Variants in SLC9C1 observed in about 807,000 individuals in gnomAD.
The protein encoded by SLC9C1 is sodium/hydrogen exchanger 10.
A neutral mutation model predicts 140.9 loss-of-function variants in SLC9C1; 97 were observed. That is an observed-to-expected ratio of 0.69 (90% CI 0.58 to 0.82). SLC9C1 has a LOEUF of 0.82. SLC9C1 is among the 40% of genes least tolerant of loss of function. The pLI is 0.00. For missense variants in SLC9C1, 1,340 were observed against 1,389.3 expected (o/e 0.96, Z 0.56); for synonymous variants, 440 against 442.6 (o/e 0.99, Z 0.07).
chr3:112,259,317 G>A (rs1285767655), intron 10 of SLC9C1, among the ~76,000 whole-genome samples: 1 of 151,618 alleles, frequency 6.6e-6, no homozygotes. Context: ...TAGGAGAAGG[G>A]AGAGGATTGG....
rs1469444997 is a variant in SLC9C1 at position 112,167,347 on chromosome 3, T to A, written c.3238A>T (p.Ile1080Leu). The change falls in exon 26 of 29, where the codon ATA (isoleucine) becomes TTA (leucine). Residue 1080 changes from isoleucine to leucine, a missense_variant and splice_region_variant. By Grantham distance (5) the Ile-to-Leu change is conservative. Transcript: ENST00000305815. ...PFLIPITCHQ[I>L]QSIEDFTKVV... ...TTTGTGAAATCTTCAATACTTTGTA[T>A]CTGAAAGTTGACAGAATGCAAGTTA... 1 of 1,583,380 alleles carries A rather than the reference T, an allele frequency of 6.3e-7. No homozygotes were observed. Among genetic ancestry groups the A allele is most frequent in the African/African-American group, 1.4e-5 (1 of 73,700 alleles).
intron 12 of SLC9C1, among the ~76,000 whole-genome samples, chr3:112,233,352 C>G (rs950661190): frequency 6.6e-6 from 1 of 152,114 alleles, no homozygotes; most frequent in African/African-American, 2.4e-5. Context: ...CAGGCATGAG[C>G]CACTGTGCTG....
intron 6 of SLC9C1, among the ~76,000 whole-genome samples, chr3:112,270,468 C>A (rs534781397): frequency 6.6e-6 from 1 of 152,276 alleles, no homozygotes; most frequent in African/African-American, 2.4e-5. Context: ...TTGTGGTTTT[C>A]ATTTGCATTT....
chr3:112,240,121 C>T (rs1576424035), intron 11 of SLC9C1, 115 bp from the exon 12 acceptor site: 4 of 995,920 alleles, frequency 4.0e-6, no homozygotes, highest in East Asian at 2.6e-5. Context: ...AAAATTTCAA[C>T]ATAAACTGTT....
chr3:112,212,208 G>A (rs958992866), intron 15 of SLC9C1, among the ~76,000 whole-genome samples: 12 of 152,106 alleles, frequency 7.9e-5, no homozygotes, highest in Non-Finnish European at 7.4e-5. Context: ...CCATCTGTAC[G>A]TCACCATCAT....
At chr3:112,291,232 A>C (rs934393913) in intron 1 of SLC9C1, among the ~76,000 whole-genome samples, 4 of 152,202 alleles carry the variant, frequency 2.6e-5, no homozygotes, top group Non-Finnish European at 5.9e-5. Flanking sequence ...CGACAAAGAC[A>C]TCAAAAGCAA....
chr3:112,275,174 T>C, intron 5 of SLC9C1, 149 bp from the exon 6 acceptor site: 1 of 758,644 alleles, frequency 1.3e-6, no homozygotes, highest in Non-Finnish European at 1.9e-6. Context: ...TAATTGGCAC[T>C]AAATTAATTA....
chr3:112,204,761 T>G (rs928037769), intron 16 of SLC9C1, among the ~76,000 whole-genome samples: 17 of 152,196 alleles, frequency 1.1e-4, no homozygotes, highest in African/African-American at 4.1e-4. Flanking sequence ...ATAAAAATCC[T>G]GGGGGTTGCA....
At chr3:112,185,968 C>T in intron 20 of SLC9C1, 1 of 1,561,072 alleles carries the variant, frequency 6.4e-7, no homozygotes, top group Non-Finnish European at 8.6e-7. Flanking sequence ...GCGACCAGCT[C>T]TCTGCTGCCG....
intron 25 of SLC9C1, 127 bp downstream of exon 25, chr3:112,168,750 A>AGTG: frequency 1.2e-6 from 1 of 858,582 alleles, no homozygotes; most frequent in Non-Finnish European, 1.7e-6. Flanking sequence ...GTGTTTATGG[A>AGTG]GTGGTGGGAA....
At chr3:112,262,779 T>C in intron 10 of SLC9C1, 145 bp downstream of exon 10, 2 of 605,290 alleles carry the variant, frequency 3.3e-6, no homozygotes, top group Non-Finnish European at 5.0e-6. Flanking sequence ...CAGTTGTTCC[T>C]CCTCTCCCCG....
At chr3:112,163,914 T>C (rs1307743307) in intron 26 of SLC9C1, among the ~76,000 whole-genome samples, 1 of 152,156 alleles carries the variant, frequency 6.6e-6, no homozygotes, top group Non-Finnish European at 1.5e-5. Flanking sequence ...TCTAAGTCTC[T>C]TTGTAGGTCA....
chr3:112,191,491 A>G (rs2077660556), intron 20 of SLC9C1, among the ~76,000 whole-genome samples: 1 of 152,114 alleles, frequency 6.6e-6, no homozygotes, highest in African/African-American at 2.4e-5. Flanking sequence ...GGTGTATCAC[A>G]TTTATTGATT....
chr3:112,183,508 G>A (rs1410514333), intron 20 of SLC9C1, among the ~76,000 whole-genome samples: 1 of 150,502 alleles, frequency 6.6e-6, no homozygotes, highest in African/African-American at 2.5e-5. Flanking sequence ...TGTAAAGGAC[G>A]CTTAGGTGTG....
intron 7 of SLC9C1, among the ~76,000 whole-genome samples, chr3:112,268,581 A>G (rs560918434): frequency 9.2e-5 from 14 of 152,326 alleles, no homozygotes; most frequent in Admixed American, 2.6e-4. Flanking sequence ...AATACCGTCA[A>G]TTGTTTTGGA....
chr3:112,288,798 T>G (rs551664921), intron 1 of SLC9C1, among the ~76,000 whole-genome samples: 1 of 152,116 alleles, frequency 6.6e-6, no homozygotes, highest in African/African-American at 2.4e-5. Flanking sequence ...ACTACTTGCA[T>G]TCGTAGGTCT....
intron 13 of SLC9C1, among the ~76,000 whole-genome samples, chr3:112,223,197 G>A (rs1454004614): frequency 1.3e-5 from 2 of 152,114 alleles, no homozygotes; most frequent in Non-Finnish European, 2.9e-5. Flanking sequence ...GGGGAATAGG[G>A]CATGGTGGTG....
chr3:112,205,135 T>A (rs1326239424), intron 16 of SLC9C1, among the ~76,000 whole-genome samples: 1 of 152,054 alleles, frequency 6.6e-6, no homozygotes, highest in Non-Finnish European at 1.5e-5. Flanking sequence ...GATGACATGA[T>A]TGTATATCTA....
chr3:112,222,275 A>G (rs1015423357), intron 13 of SLC9C1, among the ~76,000 whole-genome samples: 17 of 152,196 alleles, frequency 1.1e-4, no homozygotes, highest in African/African-American at 3.9e-4. Context: ...GTTAACTGTT[A>G]AATTATCTTT....
Sources: gnomAD v4.1 joint callset for allele counts (sites outside exome capture counted in the v4.1 genomes callset) on GRCh38, gnomAD v4.1.1 for gene constraint, MANE v1.5 for transcripts, NCBI Gene and HGNC (gene_info 2026-07-23, HGNC 2026-07-21) for gene names.